Variants in PVT1 observed in about 807,000 individuals in gnomAD.
The protein encoded by PVT1 is CXCR4/PVT1 fusion.
intron 4 of PVT1, among the ~76,000 whole-genome samples, chr8:128,045,155 A>T (rs2130095558): frequency 6.6e-6 from 1 of 152,276 alleles, no homozygotes; most frequent in South Asian, 2.1e-4. Flanking sequence ...CAGCCCTTGG[A>T]CACACCCTGA....
intron 2 of PVT1, among the ~76,000 whole-genome samples, chr8:127,830,644 G>T (rs1018438079): frequency 6.6e-6 from 1 of 152,012 alleles, no homozygotes; most frequent in African/African-American, 2.4e-5. Context: ...AGCACGTTGC[G>T]GGGCTGTGAT....
At chr8:127,919,619 G>C (rs1253911013) in intron 3 of PVT1, among the ~76,000 whole-genome samples, 1 of 152,192 alleles carries the variant, frequency 6.6e-6, no homozygotes, top group African/African-American at 2.4e-5. Flanking sequence ...AAAGGACGCT[G>C]GACTGAGAGC....
intron 3 of PVT1, among the ~76,000 whole-genome samples, chr8:127,921,920 G>A (rs1002246695): frequency 1.1e-4 from 14 of 131,546 alleles, no homozygotes; most frequent in Non-Finnish European, 1.9e-4. Flanking sequence ...GAGTGCAGTG[G>A]CGTGATCTTA....
chr8:127,812,179 AGAGG>A (rs755459456), intron 2 of PVT1, among the ~76,000 whole-genome samples: 20 of 108,680 alleles, frequency 1.8e-4, no homozygotes, highest in Non-Finnish European at 5.4e-5. Context: ...GAAGAGGGAG[AGAGG>A]GAGGGAGGGA....
At chr8:128,075,966 A>G (rs1223444855) in intron 5 of PVT1, among the ~76,000 whole-genome samples, 1 of 152,224 alleles carries the variant, frequency 6.6e-6, no homozygotes, top group Non-Finnish European at 1.5e-5. Flanking sequence ...CACTTGCCTT[A>G]GAAATTATAT....
intron 3 of PVT1, among the ~76,000 whole-genome samples, chr8:127,925,897 TC>T (rs1816124373): frequency 1.3e-5 from 2 of 152,308 alleles, no homozygotes; most frequent in Middle Eastern, 3.4e-3. Context: ...CACCTCGGGC[TC>T]CCAAAGTGCT....
chr8:127,838,629 C>T (rs904662812), intron 2 of PVT1, among the ~76,000 whole-genome samples: 4 of 152,132 alleles, frequency 2.6e-5, no homozygotes, highest in Non-Finnish European at 5.9e-5. Context: ...CACTTGAACT[C>T]GGGAGGTGGA....
intron 2 of PVT1, among the ~76,000 whole-genome samples, chr8:127,798,263 C>T (rs1023091704): frequency 1.3e-5 from 2 of 151,458 alleles, no homozygotes; most frequent in African/African-American, 4.9e-5. Flanking sequence ...GAGATCGCAC[C>T]ATTGTATTCC....
chr8:128,100,091 C>A (rs1814484027), intron 6 of PVT1, among the ~76,000 whole-genome samples: 1 of 151,232 alleles, frequency 6.6e-6, no homozygotes, highest in Non-Finnish European at 1.5e-5. Context: ...TCCATAAATT[C>A]TCCTTCCCTC....
At chr8:127,938,151 T>C (rs72718594) in intron 3 of PVT1, among the ~76,000 whole-genome samples, 1 of 152,268 alleles carries the variant, frequency 6.6e-6, no homozygotes, top group Non-Finnish European at 1.5e-5. Flanking sequence ...AGGGCTGGGA[T>C]GGGGGTGGTA....
chr8:127,926,003 A>C (rs2129875923), intron 3 of PVT1, among the ~76,000 whole-genome samples: 1 of 152,236 alleles, frequency 6.6e-6, no homozygotes, highest in South Asian at 2.1e-4. Context: ...AGCTCGTTTC[A>C]TTTGATTTCA....
chr8:127,915,102 G>T, intron 3 of PVT1, among the ~76,000 whole-genome samples: 1 of 151,966 alleles, frequency 6.6e-6, no homozygotes, highest in Non-Finnish European at 1.5e-5. Context: ...TGGGATTACA[G>T]GTGTGAGCCA....
intron 2 of PVT1, among the ~76,000 whole-genome samples, chr8:127,800,212 G>GT (rs997616933): frequency 1.3e-5 from 2 of 151,840 alleles, no homozygotes; most frequent in Non-Finnish European, 2.9e-5. Flanking sequence ...TTTTTTTCTG[G>GT]TGCATTAGCC....
At chr8:127,962,200 C>T (rs1222879011) in intron 3 of PVT1, among the ~76,000 whole-genome samples, 1 of 151,748 alleles carries the variant, frequency 6.6e-6, no homozygotes, top group Non-Finnish European at 1.5e-5. Flanking sequence ...CTCTTGATCT[C>T]GTGATCCACC....
At chr8:128,014,632 T>A (rs1817351378) in intron 4 of PVT1, among the ~76,000 whole-genome samples, 1 of 152,110 alleles carries the variant, frequency 6.6e-6, no homozygotes. Flanking sequence ...GGGGACCCAG[T>A]GGGTAGAAAG....
chr8:127,883,190 G>A (rs1815489069), intron 2 of PVT1, among the ~76,000 whole-genome samples: 1 of 151,928 alleles, frequency 6.6e-6, no homozygotes, highest in Admixed American at 6.6e-5. Flanking sequence ...TGCAAACGGT[G>A]CTCCCCTCAA....
chr8:127,981,418 A>G lies in PVT1; in HGVS notation n.783-7744A>G, dbSNP rs35833959. Among the ~76,000 whole-genome samples the G allele has an allele frequency of 5.1e-3, 782 of 152,342 alleles. 4 individuals carry two copies. Among genetic ancestry groups the G allele is most frequent in the Admixed American group, 9.1e-3 (139 of 15,296 alleles). ...ACAGGGCACCAGGAAGGTGCTGCAC[A>G]GCCTGGCATGTGGTGGGTGGTGTTT... On this transcript the variant is annotated intron_variant and non_coding_transcript_variant, in intron 3 of 10. Coordinates refer to ENST00000651587, the Ensembl canonical transcript of PVT1.
chr8:128,062,088 TG>T lies in PVT1; in HGVS notation n.913-8070del, dbSNP rs547123304. On this transcript the variant is annotated intron_variant and non_coding_transcript_variant, in intron 4 of 10. Coordinates refer to ENST00000651587, the Ensembl canonical transcript of PVT1. Reference sequence around the variant, plus strand: ...ATTAACTACATCTCAATAGGGAGCCTGGTTAACAACAGGGGAGTGAAAAGGA... The same window carrying T: ...ATTAACTACATCTCAATAGGGAGCCTGTTAACAACAGGGGAGTGAAAAGGA... 1.7e-4 allele frequency among the ~76,000 whole-genome samples: 26 copies of T among 152,296 alleles called. No individual in the cohort carries two copies. In the East Asian group the frequency reaches 4.8e-3, roughly 28 times the overall value.
chr8:128,055,566 A>G (rs1813753183), intron 4 of PVT1, among the ~76,000 whole-genome samples: 1 of 152,244 alleles, frequency 6.6e-6, no homozygotes, highest in Admixed American at 6.5e-5. Flanking sequence ...TCAGTTCTCT[A>G]TTTGCTGCAC....
Sources: gnomAD v4.1 joint callset for allele counts (sites outside exome capture counted in the v4.1 genomes callset) on GRCh38, gnomAD v4.1.1 for gene constraint, MANE v1.5 for transcripts, NCBI Gene and HGNC (gene_info 2026-07-23, HGNC 2026-07-21) for gene names.